SYNE1: variants seen among roughly 807,000 people sequenced by gnomAD.
SYNE1 encodes spectrin repeat containing nuclear envelope protein 1.
SYNE1 carries 616 observed loss-of-function variants against 1,111.0 expected under a neutral mutation model. That is an observed-to-expected ratio of 0.55 (90% confidence interval 0.52 to 0.59). The LOEUF (loss-of-function observed/expected upper bound fraction) is 0.59, where lower values mean the gene tolerates loss of function less well. Among genes scored for constraint, SYNE1 ranks in the 20% least tolerant of loss-of-function variants. The pLI is 0.00. For synonymous variants in SYNE1, 3,855 were observed against 3,825.8 expected (o/e 1.01, Z -0.28); for missense variants, 10,006 against 10,417.0 (o/e 0.96, Z 1.72).
intron 100 of SYNE1, among the ~76,000 whole-genome samples, chr6:152,265,833 C>G (rs1033650791): frequency 2.0e-4 from 31 of 152,170 alleles, no homozygotes; most frequent in African/African-American, 6.8e-4. Context: ...AAATGTGTGA[C>G]TCTATAAAGT....
In SYNE1 at chr6:152,628,397, C is replaced by T; in HGVS notation, c.-66G>A. 6.7e-7 allele frequency: 1 copy of T among 1,500,326 alleles called. No homozygotes were observed. The highest frequency in any genetic ancestry group is 9.3e-7 in the Non-Finnish European group (1 of 1,076,512). The allele number at this position is 1,500,326 out of a possible 1,614,324, so 92.9% of individuals were successfully genotyped here. ...CACTGGAGGCAGCACAGGGCTACAC[C>T]ACTCTAGAAAACATGCTTGGACTTT... On this transcript the variant is annotated 5_prime_UTR_variant, in exon 3 of 146. Transcript: ENST00000367255.
intron 3 of SYNE1, among the ~76,000 whole-genome samples, chr6:152,541,893 C>T (rs1050453443): frequency 3.3e-5 from 5 of 151,462 alleles, no homozygotes; most frequent in Non-Finnish European, 5.9e-5. Context: ...CAAAACTCAG[C>T]GACACACAAT....
At chr6:152,356,494 A>C (rs2096840839) in intron 66 of SYNE1, among the ~76,000 whole-genome samples, 1 of 147,978 alleles carries the variant, frequency 6.8e-6, no homozygotes, top group Non-Finnish European at 1.5e-5. Flanking sequence ...AAGTAACATA[A>C]ATGTGTGTAT....
intron 56 of SYNE1, among the ~76,000 whole-genome samples, chr6:152,377,414 AG>A (rs2097300754): frequency 6.6e-6 from 1 of 151,398 alleles, no homozygotes; most frequent in South Asian, 2.1e-4. Context: ...GTTCGAGACC[AG>A]CCTGACCAAC....
rs750865625 is a variant in SYNE1 at position 152,218,420 on chromosome 6, G to T, written c.22045-17C>A. ...AACTCCAGCCTTTTTTTCCACAAAA[G>T]AAATTGGTATTTCAGTTAAAAAAAA... On this transcript the variant is annotated splice_polypyrimidine_tract_variant and intron_variant, in intron 120 of 145. Transcript: ENST00000367255. 2.5e-6 allele frequency: 4 copies of T among 1,593,458 alleles called. No homozygotes were observed. Among genetic ancestry groups the T allele is most frequent in the African/African-American group, 1.4e-5 (1 of 69,522 alleles).
chr6:152,125,133 A>T, intron 145 of SYNE1: 1 of 965,512 alleles, frequency 1.0e-6, no homozygotes, highest in Non-Finnish European at 1.4e-6. Flanking sequence ...CAGATTCTAC[A>T]GTTAAAGGAA....
intron 133 of SYNE1, among the ~76,000 whole-genome samples, chr6:152,153,728 CT>C (rs757888300): frequency 2.0e-5 from 3 of 152,128 alleles, no homozygotes; most frequent in Non-Finnish European, 2.9e-5. Context: ...AAGGGAGTAT[CT>C]TTTATATAGG....
At chr6:152,554,451 A>G (rs896835500) in intron 3 of SYNE1, among the ~76,000 whole-genome samples, 4 of 152,114 alleles carry the variant, frequency 2.6e-5, no homozygotes, top group Non-Finnish European at 5.9e-5. Flanking sequence ...CAAAAGTCTG[A>G]GGACTTCTGG....
Position 152,218,986 on chromosome 6 carries a change from A to C in SYNE1, c.22044+17T>G. 1 of 1,612,318 alleles carries C rather than the reference A, an allele frequency of 6.2e-7. No individual in the cohort carries two copies. The highest frequency in any genetic ancestry group is 1.1e-5 in the South Asian group (1 of 91,068). ...GAACAGCCAATATACAGAAGATACT[A>C]AATAGGAGCTCTGTACCTGTAATGA... is the stretch of plus-strand genomic sequence containing the variant. On this transcript the variant is annotated intron_variant, in intron 120 of 145. Transcript: ENST00000367255.
chr6:152,325,372 T>C, intron 80 of SYNE1, 70 bp from the exon 81 acceptor site: 1 of 1,528,072 alleles, frequency 6.5e-7, no homozygotes, highest in Non-Finnish European at 9.1e-7. Context: ...TAAAGTTCTA[T>C]GGATCTTGGT....
At chr6:152,147,016 C>G (rs562497140) in intron 137 of SYNE1, 165 of 152,556 alleles carry the variant, frequency 1.1e-3, no homozygotes, top group African/African-American at 3.7e-3. Flanking sequence ...CAAGCAAACT[C>G]ATCCCCTCCC....
rs146816575 is a variant in SYNE1 at position 152,181,217 on chromosome 6, G to A, written c.23302-923C>T. On this transcript the variant is annotated intron_variant, in intron 128 of 145. Coordinates refer to ENST00000367255, the MANE Select transcript of SYNE1 (RefSeq NM_182961.4). ...ACTAGAGGTCAGGAGTTCGAAACCT[G>A]CGTGGCCAACATGGTGAAACCCCAT... Among the ~76,000 whole-genome samples, 369 of 152,254 alleles carry A rather than the reference G, an allele frequency of 2.4e-3. 3 individuals carry two copies. Among genetic ancestry groups the A allele is most frequent in the African/African-American group, 8.4e-3 (351 of 41,544 alleles).
At chr6:152,268,597 T>A (rs2092938158) in intron 99 of SYNE1, among the ~76,000 whole-genome samples, 1 of 152,204 alleles carries the variant, frequency 6.6e-6, no homozygotes, top group South Asian at 2.1e-4. Flanking sequence ...TTATTTATAA[T>A]AAATCCTCTT....
chr6:152,371,624 G>A (rs1374468497), intron 59 of SYNE1, among the ~76,000 whole-genome samples: 1 of 104,300 alleles, frequency 9.6e-6, no homozygotes, highest in Admixed American at 1.0e-4. Flanking sequence ...GAGGGGAGGA[G>A]AGGGGAGAGG....
At chr6:152,484,797 T>G in intron 13 of SYNE1, 38 bp downstream of exon 13, 3 of 1,608,746 alleles carry the variant, frequency 1.9e-6, no homozygotes, top group Non-Finnish European at 2.6e-6. Context: ...TTTTCTAAAT[T>G]TATTAAGCTC....
At position 152,325,216 on chromosome 6, in the gene SYNE1, A is replaced by C. The variant is rs2096026729; in HGVS notation, c.15525T>G (p.Asp5175Glu). 6.2e-7 allele frequency: 1 copy of C among 1,614,080 alleles called. No homozygotes were observed. Among genetic ancestry groups the C allele is most frequent in the Admixed American group, 1.7e-5 (1 of 60,012 alleles). The change falls in exon 81 of 146, where the codon GAT becomes GAG. Residue 5175 changes from aspartate (D) to glutamate (E), a missense_variant. Physicochemically the swap from Asp to Glu is conservative, Grantham distance 45. This residue lies in a region of SYNE1 where 4,955 missense variants were observed against 5,017.2 expected (regional missense o/e 0.99). Transcript: ENST00000367255. Reference sequence around the variant, plus strand: ...ACCTGCTCAGGGTGGCTTTGCTGGCATCATTTCCGGTTTTCTCCAGTTGTG... The same window carrying C: ...ACCTGCTCAGGGTGGCTTTGCTGGCCTCATTTCCGGTTTTCTCCAGTTGTG... Reference protein sequence around the residue: ...KASQLEKTGNDASKATLSRSM... With the variant: ...KASQLEKTGNEASKATLSRSM...
chr6:152,282,097 T>A (rs1487146667), intron 96 of SYNE1, 117 bp from the exon 97 acceptor site: 31 of 1,116,668 alleles, frequency 2.8e-5, no homozygotes, highest in Non-Finnish European at 3.8e-5. Context: ...GGTAAAACTT[T>A]TAAAAATTTC....
chr6:152,216,973 G>A (rs1395151263), intron 121 of SYNE1, among the ~76,000 whole-genome samples: 1 of 150,410 alleles, frequency 6.6e-6, no homozygotes, highest in Non-Finnish European at 1.5e-5. Context: ...TGAGGCAGGA[G>A]AATTGCTTGA....
chr6:152,145,285 T>A (rs1270754724), intron 137 of SYNE1: 1 of 628,204 alleles, frequency 1.6e-6, no homozygotes, highest in East Asian at 2.8e-5. Flanking sequence ...GTTGAGAAGT[T>A]ACTTTATTTC....
Sources: allele counts gnomAD v4.1 joint callset (sites outside exome capture counted in the v4.1 genomes callset), GRCh38; gene constraint gnomAD v4.1.1; regional missense constraint gnomAD v4.1.1; transcripts MANE v1.5; gene names NCBI Gene and HGNC (gene_info 2026-07-23, HGNC 2026-07-21).